Variants in RALYL observed in about 807,000 individuals in gnomAD.
The protein encoded by RALYL is RNA-binding Raly-like protein.
RALYL carries 29 observed loss-of-function variants against 35.1 expected under a neutral mutation model. The ratio of observed to expected loss-of-function variants is 0.83; its 90% CI spans 0.61 to 1.13. The LOEUF (loss-of-function observed/expected upper bound fraction) is 1.13, where lower values mean the gene tolerates loss of function less well. Ranked by LOEUF, RALYL falls within the 50% of genes most tolerant of loss-of-function variation. The pLI is 0.00. For synonymous variants in RALYL, 120 were observed against 127.6 expected (o/e 0.94, Z 0.40); for missense variants, 359 against 360.4 (o/e 1.00, Z 0.03).
intron 2 of RALYL, among the ~76,000 whole-genome samples, chr8:84,685,430 C>T (rs1428737351): frequency 6.6e-6 from 1 of 152,090 alleles, no homozygotes; most frequent in African/African-American, 2.4e-5. Context: ...CACTACCAGC[C>T]CTCATTCCAC....
At chr8:84,774,711 A>G in intron 3 of RALYL, 57 bp downstream of exon 3, 1 of 1,099,486 alleles carries the variant, frequency 9.1e-7, no homozygotes, top group South Asian at 1.4e-5. Flanking sequence ...TTGCAGCTTT[A>G]TAAGGCAATA....
intron 1 of RALYL, among the ~76,000 whole-genome samples, chr8:84,204,059 G>A (rs995469809): frequency 1.3e-5 from 2 of 151,826 alleles, no homozygotes; most frequent in South Asian, 4.1e-4. Context: ...TTTTAAGCCC[G>A]TGGCATTCTG....
At chr8:84,767,777 T>C (rs192732361) in intron 2 of RALYL, among the ~76,000 whole-genome samples, 1 of 152,332 alleles carries the variant, frequency 6.6e-6, no homozygotes, top group East Asian at 1.9e-4. Flanking sequence ...ATTTAAATGG[T>C]GCCTGTTTGG....
intron 1 of RALYL, among the ~76,000 whole-genome samples, chr8:84,210,247 CTTAA>C (rs1235910992): frequency 2.0e-5 from 3 of 151,928 alleles, no homozygotes; most frequent in Non-Finnish European, 2.9e-5. Context: ...TATGTATATT[CTTAA>C]TTACTTTTCA....
Position 84,531,932 on chromosome 8 carries a change from G to C in RALYL, c.256+2355G>C, listed in dbSNP as rs138841460. Among the ~76,000 whole-genome samples the C allele has an allele frequency of 1.6e-4, 24 of 152,102 alleles. No homozygotes were observed. In the East Asian group the frequency reaches 4.6e-3, roughly 29 times the overall value. ...ATGACACCAAATTGCTTTGCTTTGA[G>C]AGGCACAAAGTTAAATTGTACCTCT... On this transcript the variant is annotated intron_variant, in intron 2 of 8. Transcript: ENST00000521268.
intron 1 of RALYL, among the ~76,000 whole-genome samples, chr8:84,342,364 G>A (rs973185948): frequency 9.2e-5 from 13 of 141,730 alleles, no homozygotes; most frequent in South Asian, 6.6e-4. Context: ...CACATTAATC[G>A]TCTGTGAAGG....
At chr8:84,771,399 A>C (rs1815482114) in intron 2 of RALYL, among the ~76,000 whole-genome samples, 1 of 152,124 alleles carries the variant, frequency 6.6e-6, no homozygotes, top group African/African-American at 2.4e-5. Flanking sequence ...ACACATGTGT[A>C]AAAGGTTTTT....
intron 2 of RALYL, among the ~76,000 whole-genome samples, chr8:84,563,584 T>C (rs553262748): frequency 6.6e-6 from 1 of 151,796 alleles, no homozygotes; most frequent in South Asian, 2.1e-4. Flanking sequence ...TTTTTTTAAA[T>C]TACCAGCGGT....
intron 4 of RALYL, among the ~76,000 whole-genome samples, chr8:84,847,559 A>G (rs1275129354): frequency 6.6e-6 from 1 of 151,894 alleles, no homozygotes; most frequent in Non-Finnish European, 1.5e-5. Flanking sequence ...TGACATTTAC[A>G]CCTTAGGGTT....
At chr8:84,235,761 CTTTTTCTTTTTT>C (rs1318438248) in intron 1 of RALYL, among the ~76,000 whole-genome samples, 1 of 138,214 alleles carries the variant, frequency 7.2e-6, no homozygotes, top group African/African-American at 2.8e-5. Flanking sequence ...TTTTCTTTTT[CTTTTTCTTTTTT>C]TTTTTTTTTT....
chr8:84,316,270 T>C (rs1042600659), intron 1 of RALYL, among the ~76,000 whole-genome samples: 1 of 152,156 alleles, frequency 6.6e-6, no homozygotes, highest in Non-Finnish European at 1.5e-5. Flanking sequence ...ACGTTCTGGA[T>C]GAGAAAGACA....
At chr8:84,679,526 A>T (rs1261192615) in intron 2 of RALYL, 1 of 358,220 alleles carries the variant, frequency 2.8e-6, no homozygotes, top group Admixed American at 3.7e-5. Context: ...ACAGAAATAT[A>T]TCTGCAAAGG....
intron 1 of RALYL, among the ~76,000 whole-genome samples, chr8:84,305,724 G>A (rs923456896): frequency 3.3e-5 from 5 of 152,088 alleles, no homozygotes; most frequent in East Asian, 1.9e-4. Flanking sequence ...CAAGTTGGTT[G>A]GTAATTGAAT....
At chr8:84,415,241 T>C (rs2044555715) in intron 1 of RALYL, among the ~76,000 whole-genome samples, 1 of 151,268 alleles carries the variant, frequency 6.6e-6, no homozygotes, top group African/African-American at 2.4e-5. Flanking sequence ...TGTTTTGTTT[T>C]GTTTTGTTTT....
intron 1 of RALYL, among the ~76,000 whole-genome samples, chr8:84,481,272 C>T (rs1260100953): frequency 6.6e-6 from 1 of 152,050 alleles, no homozygotes; most frequent in Admixed American, 6.6e-5. Flanking sequence ...CATCCTGTAA[C>T]ATTATAAAAT....
intron 3 of RALYL, among the ~76,000 whole-genome samples, chr8:84,793,010 T>C (rs1364677510): frequency 6.6e-6 from 1 of 152,132 alleles, no homozygotes; most frequent in Non-Finnish European, 1.5e-5. Context: ...ACTGGACATA[T>C]GAAGTTGCAG....
intron 1 of RALYL, among the ~76,000 whole-genome samples, chr8:84,419,940 T>C (rs1021389393): frequency 4.0e-5 from 6 of 151,466 alleles, no homozygotes; most frequent in Non-Finnish European, 8.8e-5. Context: ...TAATCCAGTC[T>C]ATCATTGTTG....
At chr8:84,794,487 C>G (rs1489878475) in intron 3 of RALYL, among the ~76,000 whole-genome samples, 1 of 152,218 alleles carries the variant, frequency 6.6e-6, no homozygotes, top group East Asian at 1.9e-4. Flanking sequence ...CTTAAATTTA[C>G]TTCCCTTTAC....
chr8:84,438,165 G>A (rs919495777), intron 1 of RALYL, among the ~76,000 whole-genome samples: 14 of 151,946 alleles, frequency 9.2e-5, no homozygotes, highest in African/African-American at 2.9e-4. Context: ...GACCTTTGTC[G>A]GATTAGTTGC....
Sources: gnomAD v4.1 joint callset for allele counts (sites outside exome capture counted in the v4.1 genomes callset) on GRCh38, gnomAD v4.1.1 for gene constraint, MANE v1.5 for transcripts, NCBI Gene and HGNC (gene_info 2026-07-23, HGNC 2026-07-21) for gene names.